ASCC3: variants seen among roughly 807,000 people sequenced by gnomAD.
The protein encoded by ASCC3 is activating signal cointegrator 1 complex subunit 3, also known as ASC-1 complex subunit P200.
Under a neutral mutation model 256.3 loss-of-function variants are expected in ASCC3, and 158 were observed. The observed-to-expected ratio is 0.62, with a 90% CI of 0.54 to 0.70. The LOEUF is 0.70. ASCC3 is among the 30% of genes least tolerant of loss of function. ASCC3 has a pLI of 0.00. For synonymous variants in ASCC3, 948 were observed against 883.4 expected, an observed-to-expected ratio of 1.07 and a Z score of -1.30; for missense variants, 2,259 against 2,626.0, an observed-to-expected ratio of 0.86 and a Z score of 3.05.
At chr6:100,766,413 A>T in intron 10 of ASCC3, 152 bp downstream of exon 10, 1 of 807,624 alleles carries the variant, frequency 1.2e-6, no homozygotes, top group Non-Finnish European at 1.9e-6. Flanking sequence ...AACTCTTTGT[A>T]GTACAGAGAC....
chr6:100,579,519 A>T (rs1771080116), intron 36 of ASCC3, among the ~76,000 whole-genome samples: 1 of 152,110 alleles, frequency 6.6e-6, no homozygotes, highest in Non-Finnish European at 1.5e-5. Context: ...TGACTTTTGT[A>T]TACGGGTAAG....
intron 36 of ASCC3, among the ~76,000 whole-genome samples, chr6:100,547,647 T>C (rs1245710813): frequency 6.6e-6 from 1 of 152,072 alleles, no homozygotes; most frequent in East Asian, 1.9e-4. Flanking sequence ...TAGCAAGTGT[T>C]GGAGAGAATG....
At chr6:100,558,490 A>G (rs1769743161) in intron 36 of ASCC3, among the ~76,000 whole-genome samples, 1 of 152,196 alleles carries the variant, frequency 6.6e-6, no homozygotes, top group South Asian at 2.1e-4. Flanking sequence ...ATGCTGCTAC[A>G]GAATTAATCA....
intron 4 of ASCC3, among the ~76,000 whole-genome samples, chr6:100,807,849 T>A (rs1770266576): frequency 1.3e-5 from 2 of 151,918 alleles, no homozygotes; most frequent in Non-Finnish European, 2.9e-5. Context: ...ATGTTATGTA[T>A]AAAAGTATTT....
At chr6:100,692,427 A>T (rs1336838506) in intron 13 of ASCC3, among the ~76,000 whole-genome samples, 1 of 152,082 alleles carries the variant, frequency 6.6e-6, no homozygotes, top group African/African-American at 2.4e-5. Flanking sequence ...ATGGTTTAAT[A>T]TGATTATATT....
chr6:100,652,874 T>G lies in ASCC3; in HGVS notation c.2839A>C (p.Arg947=), dbSNP rs1775736568. ...ATGACCAACTGTTCTCGATGCTTTC[T>G]TAATGTTGGGTCAATCTATGGCAAA... ...HKAYQIDPTL[R]KHREQLVIEV... is the part of the protein sequence containing the mutation. Residue 947 remains arginine (R), a synonymous_variant, in exon 18 of 42, where the codon AGA becomes CGA. Transcript: ENST00000369162. 4 of 1,613,936 alleles carry G rather than the reference T, an allele frequency of 2.5e-6. No homozygotes were observed. In the African/African-American group the frequency reaches 5.3e-5, roughly 22 times the overall value.
chr6:100,565,760 G>C (rs1770209084), intron 36 of ASCC3, among the ~76,000 whole-genome samples: 3 of 152,180 alleles, frequency 2.0e-5, no homozygotes, highest in African/African-American at 4.8e-5. Context: ...GTAACTATGA[G>C]AGAGGATGGC....
intron 26 of ASCC3, among the ~76,000 whole-genome samples, chr6:100,630,470 T>C (rs1011698600): frequency 2.6e-5 from 4 of 151,134 alleles, no homozygotes; most frequent in East Asian, 1.9e-4. Flanking sequence ...AGGATACTTA[T>C]ATTTTTTTTT....
At chr6:100,826,397 C>T (rs1414242818) in intron 4 of ASCC3, among the ~76,000 whole-genome samples, 3 of 152,146 alleles carry the variant, frequency 2.0e-5, no homozygotes, top group Non-Finnish European at 2.9e-5. Context: ...TCCCAAAGTG[C>T]TGGTATTACA....
intron 4 of ASCC3, among the ~76,000 whole-genome samples, chr6:100,827,231 T>C (rs1349362293): frequency 6.6e-6 from 1 of 152,240 alleles, no homozygotes; most frequent in East Asian, 1.9e-4. Context: ...TTTTAACAAA[T>C]ATATAACTAT....
At chr6:100,593,227 C>A (rs532782405) in intron 34 of ASCC3, among the ~76,000 whole-genome samples, 1 of 152,034 alleles carries the variant, frequency 6.6e-6, no homozygotes. Context: ...AATTACTAGT[C>A]CCCTGAGAGG....
intron 37 of ASCC3, among the ~76,000 whole-genome samples, chr6:100,521,989 C>T (rs983716870): frequency 6.6e-6 from 1 of 152,150 alleles, no homozygotes; most frequent in Admixed American, 6.5e-5. Context: ...CCCAAGTAAC[C>T]CCCAAAGTCC....
At chr6:100,772,476 T>TA (rs1365730273) in intron 8 of ASCC3, among the ~76,000 whole-genome samples, 1 of 152,158 alleles carries the variant, frequency 6.6e-6, no homozygotes, top group African/African-American at 2.4e-5. Flanking sequence ...TACACAGCAT[T>TA]AAAAAAGAAT....
chr6:100,689,689 TA>T (rs1777747638), intron 13 of ASCC3, among the ~76,000 whole-genome samples: 1 of 152,218 alleles, frequency 6.6e-6, no homozygotes, highest in Non-Finnish European at 1.5e-5. Context: ...GCTGAGTTAA[TA>T]CTTTCCATTC....
intron 10 of ASCC3, among the ~76,000 whole-genome samples, chr6:100,758,897 GC>G (rs1216110887): frequency 1.3e-5 from 2 of 152,140 alleles, no homozygotes; most frequent in Admixed American, 6.5e-5. Context: ...AGCCTTGCTA[GC>G]ATCTGTTGTT....
intron 3 of ASCC3, chr6:100,858,576 A>C: frequency 1.0e-6 from 1 of 985,010 alleles, no homozygotes; most frequent in Non-Finnish European, 1.2e-6. Flanking sequence ...GTAATTTTTA[A>C]ACCTTTATTA....
chr6:100,712,688 G>T (rs543230580), intron 13 of ASCC3, among the ~76,000 whole-genome samples: 44 of 150,318 alleles, frequency 2.9e-4, no homozygotes, highest in Middle Eastern at 3.5e-3. Flanking sequence ...TATTTTGGAA[G>T]ATAGTTTGGT....
chr6:100,826,641 A>C (rs1428641432), intron 4 of ASCC3, among the ~76,000 whole-genome samples: 1 of 152,188 alleles, frequency 6.6e-6, no homozygotes, highest in East Asian at 1.9e-4. Context: ...CTGAAGACAG[A>C]ACCAAATTTA....
intron 25 of ASCC3, among the ~76,000 whole-genome samples, chr6:100,635,398 T>C (rs527613864): frequency 2.4e-4 from 37 of 152,136 alleles, no homozygotes; most frequent in African/African-American, 8.4e-4. Context: ...GTTGGATTCA[T>C]AGAAGGAAAG....
Sources: gnomAD v4.1 joint callset for allele counts (sites outside exome capture counted in the v4.1 genomes callset) on GRCh38, gnomAD v4.1.1 for gene constraint, MANE v1.5 for transcripts, NCBI Gene and HGNC (gene_info 2026-07-23, HGNC 2026-07-21) for gene names.